KIF24: variants seen among roughly 807,000 people sequenced by gnomAD.
KIF24 encodes the protein kinesin-like protein KIF24.
A neutral mutation model predicts 118.9 loss-of-function variants in KIF24; 81 were observed. The observed-to-expected ratio is 0.68, with a 90% confidence interval of 0.57 to 0.82. KIF24 has a LOEUF of 0.82. Among genes scored for constraint, KIF24 ranks in the 40% least tolerant of loss-of-function variants. KIF24 has a pLI of 0.00. For synonymous variants in KIF24, 599 were observed against 610.0 expected (o/e 0.98, Z 0.27); for missense variants, 1,560 against 1,661.6 (o/e 0.94, Z 1.06).
intron 8 of KIF24, among the ~76,000 whole-genome samples, chr9:34,267,617 ATATTT>A (rs1258762980): frequency 1.3e-5 from 2 of 152,202 alleles, no homozygotes; most frequent in African/African-American, 2.4e-5. Context: ...TGTTAATTAT[ATATTT>A]TATTTAACTC....
At chr9:34,292,347 T>C (rs1242274001) in intron 4 of KIF24, among the ~76,000 whole-genome samples, 2 of 152,230 alleles carry the variant, frequency 1.3e-5, no homozygotes, top group Non-Finnish European at 2.9e-5. Flanking sequence ...CTTTCCCCTG[T>C]AAATTTTTTT....
intron 4 of KIF24, among the ~76,000 whole-genome samples, chr9:34,291,783 G>T (rs1014719927): frequency 1.3e-5 from 2 of 151,190 alleles, no homozygotes; most frequent in Admixed American, 1.3e-4. Context: ...AAAAATAGCT[G>T]CTTGCAGCAA....
At position 34,256,376 on chromosome 9, in the gene KIF24, C is replaced by T. The variant is rs146986952; in HGVS notation, c.3231G>A (p.Thr1077=). The T allele has an allele frequency of 2.0e-5, 32 of 1,613,720 alleles. 1 individual carries two copies. Among genetic ancestry groups the T allele is most frequent in the South Asian group, 6.6e-5 (6 of 91,080 alleles). Residue 1077 remains threonine, a synonymous_variant, in exon 11 of 13, where the codon ACG becomes ACA. Coordinates refer to ENST00000402558, the MANE Select transcript of KIF24 (RefSeq NM_194313.4). ...PSEQLVQDGA[T]HSLVAESTGG... Reference sequence around the variant, plus strand: ...CTGTGCTCTCTGCCACTAGACTGTGCGTAGCCCCATCCTGGACCAGCTGCT... The same window carrying T: ...CTGTGCTCTCTGCCACTAGACTGTGTGTAGCCCCATCCTGGACCAGCTGCT...
intron 6 of KIF24, among the ~76,000 whole-genome samples, chr9:34,284,924 C>T (rs1835979369): frequency 6.6e-6 from 1 of 151,954 alleles, no homozygotes; most frequent in African/African-American, 2.4e-5. Flanking sequence ...AAAAAGGCTC[C>T]AAACAATCTA....
At chr9:34,279,560 G>A (rs1835771433) in intron 6 of KIF24, among the ~76,000 whole-genome samples, 2 of 152,220 alleles carry the variant, frequency 1.3e-5, no homozygotes, top group Non-Finnish European at 1.5e-5. Flanking sequence ...TGCCTGCGTT[G>A]GCAAGAAATC....
At chr9:34,276,796 T>C (rs1835675475) in intron 6 of KIF24, among the ~76,000 whole-genome samples, 1 of 152,250 alleles carries the variant, frequency 6.6e-6, no homozygotes, top group Non-Finnish European at 1.5e-5. Flanking sequence ...TCATCAACTA[T>C]ATGGCTACCA....
intron 7 of KIF24, among the ~76,000 whole-genome samples, chr9:34,270,153 G>A (rs1563940777): frequency 6.6e-6 from 1 of 151,468 alleles, no homozygotes; most frequent in Non-Finnish European, 1.5e-5. Context: ...CCCGGGAGGC[G>A]GAGGTTGCAG....
At chr9:34,302,396 C>G (rs1295919963) in intron 3 of KIF24, among the ~76,000 whole-genome samples, 1 of 151,764 alleles carries the variant, frequency 6.6e-6, no homozygotes, top group Non-Finnish European at 1.5e-5. Flanking sequence ...CTCAACCTCC[C>G]AGGCTCAAGT....
At position 34,263,515 on chromosome 9, in the gene KIF24, C is replaced by A. The variant is rs566618684; in HGVS notation, c.1444-343G>T. ...TAGTTCTGGCTTGCTGGCTCCCTTTCTCTCCTCACATTCTTCCCAACTGTT... is the reference window on the plus strand; with the variant it reads ...TAGTTCTGGCTTGCTGGCTCCCTTTATCTCCTCACATTCTTCCCAACTGTT... On this transcript the variant is annotated intron_variant, in intron 8 of 12. Transcript: ENST00000402558. 6.6e-5 allele frequency among the ~76,000 whole-genome samples: 10 copies of A among 152,274 alleles called. 1 individual carries two copies. Among genetic ancestry groups the A allele is most frequent in the African/African-American group, 2.4e-4 (10 of 41,554 alleles).
intron 5 of KIF24, among the ~76,000 whole-genome samples, chr9:34,288,621 A>G (rs1385555786): frequency 6.6e-6 from 1 of 151,250 alleles, no homozygotes; most frequent in African/African-American, 2.4e-5. Context: ...TTAAATGGAT[A>G]TATATATATA....
chr9:34,296,859 A>C lies in KIF24; in HGVS notation c.911+158T>G, dbSNP rs1836500445. 1.3e-5 allele frequency among the ~76,000 whole-genome samples: 2 copies of C among 152,198 alleles called. 1 individual carries two copies. The highest frequency in any genetic ancestry group is 1.3e-4 in the Admixed American group (2 of 15,272). On this transcript the variant is annotated intron_variant, in intron 4 of 12. Transcript: ENST00000402558. ...TAAATCCTTGGTAAATCCTATAGAG[A>C]TACTGCATGTTTTCAGAAGAATCTA...
At chr9:34,319,424 C>G (rs772374749) in intron 1 of KIF24, 2 of 1,011,166 alleles carry the variant, frequency 2.0e-6, no homozygotes, top group South Asian at 2.6e-5. Flanking sequence ...GCATGCCACA[C>G]AAGAAGGACC....
At chr9:34,282,895 T>C (rs1034666707) in intron 6 of KIF24, among the ~76,000 whole-genome samples, 1 of 150,900 alleles carries the variant, frequency 6.6e-6, no homozygotes, top group Admixed American at 6.6e-5. Flanking sequence ...CTACTAAAAA[T>C]ACAAAAATTA....
chr9:34,324,303 C>T (rs946479164), intron 1 of KIF24, among the ~76,000 whole-genome samples: 2 of 152,198 alleles, frequency 1.3e-5, no homozygotes, highest in African/African-American at 2.4e-5. Context: ...AAATCTGCCC[C>T]TCCACTTCTC....
At chr9:34,269,018 C>T (rs1201056692) in intron 8 of KIF24, among the ~76,000 whole-genome samples, 3 of 152,228 alleles carry the variant, frequency 2.0e-5, no homozygotes, top group Admixed American at 1.3e-4. Flanking sequence ...AGAAATACTT[C>T]TGTTCCTAAT....
At chr9:34,311,509 T>A (rs1837144825) in intron 1 of KIF24, 138 bp from the exon 2 acceptor site, 1 of 472,630 alleles carries the variant, frequency 2.1e-6, no homozygotes, top group Admixed American at 3.8e-5. Flanking sequence ...AATAACATAT[T>A]TTTCTTCTGA....
Position 34,318,944 on chromosome 9 carries a change from A to G in KIF24, c.-25-7573T>C. On this transcript the variant is annotated intron_variant, in intron 1 of 12. Coordinates refer to ENST00000402558, the MANE Select transcript of KIF24 (RefSeq NM_194313.4). The surrounding 1 kb of genome is among the most constrained non-coding windows in gnomAD (Gnocchi z 4.9). ...CATCCACGAGTGGGCCGTGCAGACC[A>G]CCGACGGCAAGCTGCCCAAGGTCAC... The G allele has an allele frequency of 6.6e-7, 1 of 1,521,324 alleles. No homozygotes were observed. Among genetic ancestry groups the G allele is most frequent in the Non-Finnish European group, 9.1e-7 (1 of 1,102,042 alleles). The allele number at this position is 1,521,324 out of a possible 1,614,324, so 94.2% of individuals were successfully genotyped here.
intron 6 of KIF24, among the ~76,000 whole-genome samples, chr9:34,277,705 T>A (rs1465290078): frequency 4.6e-5 from 7 of 152,200 alleles, no homozygotes. Context: ...GAGTTTCTGG[T>A]CCTTGGGCCA....
In KIF24 at chr9:34,305,092, G is replaced by T. The variant is rs149839050; in HGVS notation, c.813+1160C>A. On this transcript the variant is annotated intron_variant, in intron 3 of 12. Transcript: ENST00000402558. ...ACAATTTTAGGAGTACCTAAATGAT[G>T]ATTCTTTCCATCTGTGGAGTTTGCT... 3.2e-3 allele frequency among the ~76,000 whole-genome samples: 481 copies of T among 152,274 alleles called. 2 individuals are homozygous for T. Among genetic ancestry groups the T allele is most frequent in the African/African-American group, 0.011 (460 of 41,548 alleles).
Sources: allele counts gnomAD v4.1 joint callset (sites outside exome capture counted in the v4.1 genomes callset), GRCh38; gene constraint gnomAD v4.1.1; non-coding constraint Gnocchi (gnomAD v3.1); transcripts MANE v1.5; gene names NCBI Gene and HGNC (gene_info 2026-07-23, HGNC 2026-07-21).